CSMD1: variants seen among roughly 807,000 people sequenced by gnomAD.
The protein encoded by CSMD1 is CUB and Sushi multiple domains 1.
A neutral mutation model predicts 417.5 loss-of-function variants in CSMD1; 213 were observed. That is an observed-to-expected ratio of 0.51 (90% CI 0.46 to 0.57). The LOEUF (loss-of-function observed/expected upper bound fraction) is 0.57, where lower values mean the gene tolerates loss of function less well. Ranked by LOEUF, CSMD1 falls within the 20% of genes least tolerant of loss-of-function variation. CSMD1 has a pLI of 0.00. For missense variants in CSMD1, 6,923 were observed against 4,529.7 expected, an observed-to-expected ratio of 1.53 and a Z score of -15.17; for synonymous variants, 2,862 against 1,736.8, an observed-to-expected ratio of 1.65 and a Z score of -16.11.
At chr8:4,342,595 G>A (rs1471800540) in intron 3 of CSMD1, among the ~76,000 whole-genome samples, 2 of 151,358 alleles carry the variant, frequency 1.3e-5, no homozygotes, top group Non-Finnish European at 2.9e-5. Context: ...AGGTTACTGG[G>A]AAAAAAAAGA....
chr8:3,970,300 G>T (rs1348857376), intron 5 of CSMD1, among the ~76,000 whole-genome samples: 2 of 152,144 alleles, frequency 1.3e-5, no homozygotes, highest in Admixed American at 6.5e-5. Flanking sequence ...CTTTCTAAGA[G>T]TAGAGGCACG....
chr8:3,678,988 A>C (rs1799518529), intron 7 of CSMD1, among the ~76,000 whole-genome samples: 1 of 152,202 alleles, frequency 6.6e-6, no homozygotes, highest in South Asian at 2.1e-4. Flanking sequence ...AAATGCTGAG[A>C]GATTTTGCCA....
chr8:3,879,249 T>G (rs1357400310), intron 5 of CSMD1, among the ~76,000 whole-genome samples: 1 of 152,190 alleles, frequency 6.6e-6, no homozygotes, highest in African/African-American at 2.4e-5. Flanking sequence ...GTATATAGGA[T>G]TGTATATTAC....
chr8:3,757,403 C>T (rs907009086), intron 5 of CSMD1, among the ~76,000 whole-genome samples: 1 of 152,144 alleles, frequency 6.6e-6, no homozygotes, highest in African/African-American at 2.4e-5. Flanking sequence ...TATTTACGGA[C>T]ACTGAGATTT....
chr8:3,285,651 G>A (rs762915571), intron 25 of CSMD1, among the ~76,000 whole-genome samples: 2 of 151,708 alleles, frequency 1.3e-5, no homozygotes, highest in South Asian at 2.1e-4. Context: ...CACCTGCCTC[G>A]GCCTCCCAAA....
intron 2 of CSMD1, among the ~76,000 whole-genome samples, chr8:4,543,641 G>A (rs1797499456): frequency 7.4e-6 from 1 of 135,962 alleles, no homozygotes. Context: ...TATGATGGCT[G>A]GATCATATGG....
intron 3 of CSMD1, among the ~76,000 whole-genome samples, chr8:4,116,933 G>T (rs181183907): frequency 1.3e-5 from 2 of 152,008 alleles, no homozygotes; most frequent in African/African-American, 4.8e-5. Flanking sequence ...ACCATCCTTT[G>T]TCTTTTCCAT....
At chr8:3,667,662 G>T (rs1037414682) in intron 7 of CSMD1, among the ~76,000 whole-genome samples, 1 of 152,180 alleles carries the variant, frequency 6.6e-6, no homozygotes, top group Non-Finnish European at 1.5e-5. Flanking sequence ...GCCTTGGGGT[G>T]AAGAGCAGTT....
chr8:4,583,009 G>A (rs549501657), intron 2 of CSMD1, among the ~76,000 whole-genome samples: 3 of 152,206 alleles, frequency 2.0e-5, no homozygotes, highest in Admixed American at 2.0e-4. Context: ...TCCCCCAGCA[G>A]TGCCAGCCCA....
At chr8:4,510,059 T>C (rs889403557) in intron 2 of CSMD1, among the ~76,000 whole-genome samples, 2 of 152,038 alleles carry the variant, frequency 1.3e-5, no homozygotes, top group Admixed American at 1.3e-4. Context: ...TGGGGGTAGG[T>C]CTTTCTCATC....
intron 1 of CSMD1, among the ~76,000 whole-genome samples, chr8:4,985,709 G>A (rs1028593334): frequency 3.9e-5 from 6 of 152,142 alleles, no homozygotes; most frequent in African/African-American, 1.4e-4. Flanking sequence ...TTTTAAGTAT[G>A]GGGCATTACA....
rs770518582 is a variant in CSMD1 at position 3,708,438 on chromosome 8, C to G, written c.985G>C (p.Asp329His). 4 of 1,613,934 alleles carry G rather than the reference C, an allele frequency of 2.5e-6. No homozygotes were observed. Among genetic ancestry groups the G allele is most frequent in the South Asian group, 2.2e-5 (2 of 91,084 alleles). Residue 329 changes from aspartate to histidine, a missense_variant, in exon 7 of 70, where the codon GAT becomes CAT. By Grantham distance (81) the Asp-to-His change is moderately conservative. Transcript: ENST00000635120. Reference sequence around the variant, plus strand: ...CAGACAGAGTTTTTATGGCTTCCATCCTTGCTGGGCAGCATCTTGACTCCT... The same window carrying G: ...CAGACAGAGTTTTTATGGCTTCCATGCTTGCTGGGCAGCATCTTGACTCCT... ...SRGVKMLPSK[D>H]GSHKNSVLSQ...
rs147580958 is a variant in CSMD1 at position 3,478,688 on chromosome 8, G to A, written c.1449-9864C>T. ...CCTTCTCCAGATGCAACTGTGACCC[G>A]TCTGACTACCAGACTACGCAGCACC... On this transcript the variant is annotated intron_variant, in intron 11 of 69. Coordinates refer to ENST00000635120, the MANE Select transcript of CSMD1 (RefSeq NM_033225.6). Among the ~76,000 whole-genome samples the A allele has an allele frequency of 9.5e-4, 145 of 152,184 alleles. No individual in the cohort carries two copies. The South Asian group carries it at 0.016, about 16-fold the overall frequency.
chr8:4,183,028 A>T (rs567905129), intron 3 of CSMD1, among the ~76,000 whole-genome samples: 47 of 152,326 alleles, frequency 3.1e-4, no homozygotes, highest in African/African-American at 1.1e-3. Flanking sequence ...ATGAGTAGAA[A>T]GTACACGTGA....
At chr8:4,429,011 G>A (rs544017122) in intron 2 of CSMD1, among the ~76,000 whole-genome samples, 4 of 151,872 alleles carry the variant, frequency 2.6e-5, no homozygotes, top group South Asian at 2.1e-4. Context: ...ACTGCACGTC[G>A]GCCTTATCTT....
chr8:4,688,222 T>G (rs889650655), intron 1 of CSMD1, among the ~76,000 whole-genome samples: 12 of 152,194 alleles, frequency 7.9e-5, no homozygotes, highest in African/African-American at 2.9e-4. Context: ...TATCAATCCT[T>G]ATATCTTACG....
chr8:3,500,213 C>T (rs563960301), intron 10 of CSMD1, among the ~76,000 whole-genome samples: 1 of 152,256 alleles, frequency 6.6e-6, no homozygotes, highest in Non-Finnish European at 1.5e-5. Context: ...CAGTGTTCTC[C>T]CCTAGACACT....
intron 2 of CSMD1, among the ~76,000 whole-genome samples, chr8:4,446,172 G>T (rs540307471): frequency 5.3e-4 from 80 of 152,296 alleles, no homozygotes; most frequent in African/African-American, 1.9e-3. Flanking sequence ...CTTCATAAAT[G>T]ACGCATCAAA....
chr8:2,942,384 G>C, intron 69 of CSMD1, 88 bp downstream of exon 69: 2 of 1,068,200 alleles, frequency 1.9e-6, no homozygotes, highest in Non-Finnish European at 2.7e-6. Flanking sequence ...TAAAATACAT[G>C]TGCATGTGAG....
Sources: gnomAD v4.1 joint callset for allele counts (sites outside exome capture counted in the v4.1 genomes callset) on GRCh38, gnomAD v4.1.1 for gene constraint, MANE v1.5 for transcripts, NCBI Gene and HGNC (gene_info 2026-07-23, HGNC 2026-07-21) for gene names.